The following FUT9 variants were observed in gnomAD, a reference collection of about 807,000 sequenced individuals.
The protein encoded by FUT9 is 4-galactosyl-N-acetylglucosaminide 3-alpha-L-fucosyltransferase 9.
A neutral mutation model predicts 29.7 loss-of-function variants in FUT9; 15 were observed. That is an observed-to-expected ratio of 0.51 (90% CI 0.34 to 0.78). FUT9 has a LOEUF of 0.78. Ranked by LOEUF, FUT9 falls within the 30% of genes least tolerant of loss-of-function variation. The pLI is 0.01. For synonymous variants in FUT9, 169 were observed against 153.7 expected (o/e 1.10, Z -0.74); for missense variants, 319 against 425.4 (o/e 0.75, Z 2.20).
chr6:96,202,139 T>C (rs573829894), intron 2 of FUT9, among the ~76,000 whole-genome samples: 35 of 152,120 alleles, frequency 2.3e-4, no homozygotes, highest in African/African-American at 7.0e-4. Flanking sequence ...AAACAGTTTT[T>C]GCAAATATAT....
intron 1 of FUT9, among the ~76,000 whole-genome samples, chr6:96,103,278 TC>T (rs1250436946): frequency 2.0e-5 from 3 of 152,310 alleles, no homozygotes; most frequent in South Asian, 2.1e-4. Flanking sequence ...TCCTTCTTCC[TC>T]TTTGTCCTAA....
At chr6:96,147,960 G>A (rs928186401) in intron 2 of FUT9, among the ~76,000 whole-genome samples, 1 of 151,684 alleles carries the variant, frequency 6.6e-6, no homozygotes, top group African/African-American at 2.4e-5. Context: ...CACCGAACAT[G>A]GGATAAAGAG....
At chr6:96,083,774 A>G (rs1771275606) in intron 1 of FUT9, among the ~76,000 whole-genome samples, 1 of 152,122 alleles carries the variant, frequency 6.6e-6, no homozygotes, top group South Asian at 2.1e-4. Flanking sequence ...CTCTTTTAGC[A>G]TAATAACCCT....
chr6:96,049,576 T>C (rs1307990950), intron 1 of FUT9, among the ~76,000 whole-genome samples: 3 of 152,192 alleles, frequency 2.0e-5, no homozygotes, highest in Admixed American at 6.5e-5. Flanking sequence ...AGGTGGTTGG[T>C]TTTAATACTC....
At chr6:96,141,080 C>A (rs1772453459) in intron 2 of FUT9, among the ~76,000 whole-genome samples, 1 of 152,060 alleles carries the variant, frequency 6.6e-6, no homozygotes, top group African/African-American at 2.4e-5. Flanking sequence ...ATTTCTTTGA[C>A]TAAAATTAAT....
intron 2 of FUT9, among the ~76,000 whole-genome samples, chr6:96,141,433 A>AC (rs2127973290): frequency 6.6e-6 from 1 of 152,242 alleles, no homozygotes; most frequent in South Asian, 2.1e-4. Context: ...TAAGTCCTGT[A>AC]AAAAAGACTC....
chr6:96,118,345 C>T (rs1771953460), intron 2 of FUT9, among the ~76,000 whole-genome samples: 1 of 152,012 alleles, frequency 6.6e-6, no homozygotes, highest in African/African-American at 2.4e-5. Flanking sequence ...AAAATATAGT[C>T]ATGCACTGCA....
intron 2 of FUT9, among the ~76,000 whole-genome samples, chr6:96,131,696 A>C (rs1401598545): frequency 6.6e-6 from 1 of 152,162 alleles, no homozygotes; most frequent in Non-Finnish European, 1.5e-5. Flanking sequence ...CATTCTCATA[A>C]GTACCCCAAA....
At position 96,203,458 on chromosome 6, in the gene FUT9, C is replaced by A. The variant is rs774844654; in HGVS notation, c.303C>A (p.Asn101Lys). 6.8e-6 allele frequency: 11 copies of A among 1,608,372 alleles called. No individual in the cohort carries two copies. Among genetic ancestry groups the A allele is most frequent in the South Asian group, 3.3e-5 (3 of 90,054 alleles). Residue 101 changes from asparagine to lysine, a missense_variant, in exon 3 of 3, where the codon AAC (asparagine) becomes AAA (lysine). Asn to Lys is a moderately conservative substitution (Grantham distance 94). Transcript: ENST00000302103. ...TCACAACGGACCGTTCACTGTACAA[C>A]AAATCCCATGCAGTTCTGATCCATC... is the stretch of plus-strand genomic sequence containing the variant. ...CHLTTDRSLY[N>K]KSHAVLIHHR...
At chr6:96,044,848 A>T (rs1372105137) in intron 1 of FUT9, among the ~76,000 whole-genome samples, 1 of 152,234 alleles carries the variant, frequency 6.6e-6, no homozygotes, top group Non-Finnish European at 1.5e-5. Context: ...TAATTAAGTA[A>T]TGATGACAGG....
rs932996417 is a variant in FUT9, at chr6:96,210,845, A to C, written c.*6610A>C. On this transcript the variant is annotated 3_prime_UTR_variant, in exon 3 of 3. Transcript: ENST00000302103. Reference sequence around the variant, plus strand: ...CAACTACAGATTTAGAATTGAATCCAAGGTCTGCCATTCACTAGCTATGTG... The same window carrying C: ...CAACTACAGATTTAGAATTGAATCCCAGGTCTGCCATTCACTAGCTATGTG... 1 of 166,878 alleles carries C rather than the reference A, an allele frequency of 6.0e-6. No homozygotes were observed. The highest frequency in any genetic ancestry group is 2.4e-5 in the African/African-American group (1 of 41,442). The allele number at this position is 166,878 out of a possible 1,614,324, so 10.3% of individuals were successfully genotyped here. A position where few individuals can be genotyped will look rare whatever the true frequency, so the allele number is the denominator to read the frequency against.
chr6:96,146,788 G>T (rs1241295748), intron 2 of FUT9, among the ~76,000 whole-genome samples: 1 of 152,160 alleles, frequency 6.6e-6, no homozygotes, highest in Admixed American at 6.5e-5. Context: ...TATTTCAAAA[G>T]ATGAATCCAG....
intron 1 of FUT9, among the ~76,000 whole-genome samples, chr6:96,102,637 A>G (rs1771607236): frequency 6.6e-6 from 1 of 152,168 alleles, no homozygotes; most frequent in Non-Finnish European, 1.5e-5. Context: ...TTAAGCCTAT[A>G]ACTTTACTTA....
At chr6:96,039,153 A>G (rs367593038) in intron 1 of FUT9, among the ~76,000 whole-genome samples, 6 of 152,180 alleles carry the variant, frequency 3.9e-5, no homozygotes, top group African/African-American at 1.4e-4. Flanking sequence ...ATGGGCACAT[A>G]ATTTACGCTC....
intron 2 of FUT9, among the ~76,000 whole-genome samples, chr6:96,152,342 GC>G (rs1439174146): frequency 6.6e-6 from 1 of 152,070 alleles, no homozygotes; most frequent in Non-Finnish European, 1.5e-5. Flanking sequence ...GCTCCCACAG[GC>G]ATCTGGCACC....
chr6:96,103,024 G>T (rs1370060376), intron 1 of FUT9, among the ~76,000 whole-genome samples: 5 of 152,118 alleles, frequency 3.3e-5, no homozygotes, highest in African/African-American at 1.2e-4. Flanking sequence ...GACTTCCTTG[G>T]TCTTGGGCTA....
intron 2 of FUT9, among the ~76,000 whole-genome samples, chr6:96,123,261 T>C (rs9485739): frequency 0.39 from 58,412 of 151,618 alleles, 11,801 homozygotes; most frequent in East Asian, 0.7. Context: ...ACTTCCAGAG[T>C]GTTCAGCTGG....
intron 1 of FUT9, among the ~76,000 whole-genome samples, chr6:96,101,780 AGTAGCTGGAATGACAG>A (rs1771590323): frequency 6.7e-6 from 1 of 150,358 alleles, no homozygotes; most frequent in African/African-American, 2.4e-5. Flanking sequence ...CAGCCTCCTC[AGTAGCTGGAATGACAG>A]GTATGCACCA....
rs1773983945 is a variant in FUT9 at position 96,213,816 on chromosome 6, T to G, written c.*9581T>G. 6.0e-6 allele frequency: 1 copy of G among 166,982 alleles called. No individual in the cohort carries two copies. 10.3% of individuals were successfully genotyped at this position (166,982 alleles called of 1,614,324 possible). ...TCAAACATCAACTTTTCTTTAAATC[T>G]TATTTTAGTAGCTAATGCATGTTTG... On this transcript the variant is annotated 3_prime_UTR_variant, in exon 3 of 3. Transcript: ENST00000302103.
Sources: allele counts gnomAD v4.1 joint callset (sites outside exome capture counted in the v4.1 genomes callset), GRCh38; gene constraint gnomAD v4.1.1; transcripts MANE v1.5; gene names NCBI Gene and HGNC (gene_info 2026-07-23, HGNC 2026-07-21).